ARHGAP44: variants seen among roughly 807,000 people sequenced by gnomAD.
ARHGAP44 encodes rho GTPase-activating protein 44.
A neutral mutation model predicts 106.8 loss-of-function variants in ARHGAP44; 43 were observed. That is an observed-to-expected ratio of 0.40 (90% CI 0.32 to 0.52). The LOEUF is 0.52. Among genes scored for constraint, ARHGAP44 ranks in the 20% least tolerant of loss-of-function variants. The probability of loss-of-function intolerance (pLI) is 0.48; values close to 1 mark genes in which losing one functional copy is unlikely to be tolerated. For missense variants in ARHGAP44, 866 were observed against 1,050.5 expected (o/e 0.82, Z 2.43); for synonymous variants, 439 against 410.3 (o/e 1.07, Z -0.85).
At chr17:12,841,157 A>G (rs1057284721) in intron 1 of ARHGAP44, among the ~76,000 whole-genome samples, 3 of 152,186 alleles carry the variant, frequency 2.0e-5, no homozygotes, top group South Asian at 2.1e-4. Flanking sequence ...TCCAGTTTGC[A>G]CAGAGGCACA....
At chr17:12,883,186 A>T (rs930336272) in intron 1 of ARHGAP44, among the ~76,000 whole-genome samples, 19 of 134,646 alleles carry the variant, frequency 1.4e-4, no homozygotes, top group Non-Finnish European at 2.4e-4. Context: ...TTTTTTTTTT[A>T]AAAACTTGCT....
chr17:12,871,507 T>G (rs8068823), intron 1 of ARHGAP44, among the ~76,000 whole-genome samples: 3 of 152,070 alleles, frequency 2.0e-5, no homozygotes, highest in Admixed American at 1.3e-4. Flanking sequence ...TCATGTCTTA[T>G]GTAGCCAGAG....
intron 12 of ARHGAP44, among the ~76,000 whole-genome samples, chr17:12,951,647 A>G (rs928662137): frequency 1.6e-4 from 25 of 152,192 alleles, no homozygotes; most frequent in Admixed American, 1.6e-3. Flanking sequence ...CAGATGACTC[A>G]AAGAGGTCAG....
At chr17:12,889,990 G>A (rs9914678) in intron 1 of ARHGAP44, among the ~76,000 whole-genome samples, 1 of 152,190 alleles carries the variant, frequency 6.6e-6, no homozygotes, top group Admixed American at 6.5e-5. Flanking sequence ...TACTGGGGTG[G>A]AGGTTTTGAC....
intron 7 of ARHGAP44, among the ~76,000 whole-genome samples, chr17:12,930,864 A>G (rs948091285): frequency 1.3e-5 from 2 of 152,206 alleles, no homozygotes; most frequent in Admixed American, 6.5e-5. Flanking sequence ...CTGTTTCCAA[A>G]CAGGGTAGAA....
chr17:12,990,231 A>C lies in ARHGAP44; in HGVS notation c.*60A>C. The C allele has an allele frequency of 6.4e-7, 1 of 1,562,530 alleles. No individual in the cohort carries two copies. The highest frequency in any genetic ancestry group is 8.7e-7 in the Non-Finnish European group (1 of 1,145,542). ...CATCACGGGCCCTAGGAACGCCGCC[A>C]GGAGCAGCGTCCATGAGCTTGCCAA... On this transcript the variant is annotated 3_prime_UTR_variant, in exon 21 of 21. Transcript: ENST00000379672.
intron 14 of ARHGAP44, among the ~76,000 whole-genome samples, chr17:12,956,321 G>T (rs2039125747): frequency 6.6e-6 from 1 of 152,126 alleles, no homozygotes; most frequent in African/African-American, 2.4e-5. Context: ...CCAGCCTCAG[G>T]ATTCGGAGGG....
intron 1 of ARHGAP44, among the ~76,000 whole-genome samples, chr17:12,861,658 T>TTTTTTTTTTTTTTTTTTA: frequency 9.8e-5 from 1 of 10,202 alleles, no homozygotes; most frequent in Non-Finnish European, 2.5e-4. Context: ...TTTTTTTTTT[T>TTTTTTTTTTTTTTTTTTA]GAGATGGAAT....
In ARHGAP44 at chr17:12,958,158, G is replaced by GAT. The variant is rs2039174132; in HGVS notation, c.1343-558_1343-557dup. On this transcript the variant is annotated intron_variant, in intron 15 of 20. Coordinates refer to ENST00000379672, the MANE Select transcript of ARHGAP44 (RefSeq NM_014859.6). The surrounding 1 kb of genome is among the most constrained non-coding windows in gnomAD (Gnocchi z 4.1). ...ATTCTCATTGACTGGGAAAGGATGG[G>GAT]ATGAGTACTTCTGTATATCTCTTTG... Among the ~76,000 whole-genome samples, 1 of 152,200 alleles carries GAT rather than the reference G, an allele frequency of 6.6e-6. No homozygotes were observed. The highest frequency in any genetic ancestry group is 2.4e-5 in the African/African-American group (1 of 41,440).
At chr17:12,821,229 G>A (rs1025746243) in intron 1 of ARHGAP44, among the ~76,000 whole-genome samples, 1 of 152,140 alleles carries the variant, frequency 6.6e-6, no homozygotes, top group Non-Finnish European at 1.5e-5. Context: ...AAACAAAAAC[G>A]TGGGCATGGG....
intron 1 of ARHGAP44, among the ~76,000 whole-genome samples, chr17:12,792,445 G>A (rs1253067484): frequency 1.3e-5 from 2 of 152,134 alleles, no homozygotes; most frequent in African/African-American, 4.8e-5. Context: ...GTTGATTGCC[G>A]AGATTAAAAC....
At chr17:12,901,489 G>A (rs572124525) in intron 3 of ARHGAP44, among the ~76,000 whole-genome samples, 4 of 152,172 alleles carry the variant, frequency 2.6e-5, no homozygotes, top group African/African-American at 9.6e-5. Flanking sequence ...CACAGAGATG[G>A]GAACAATTTC....
At chr17:12,947,387 G>T (rs1340113975) in intron 10 of ARHGAP44, among the ~76,000 whole-genome samples, 2 of 152,040 alleles carry the variant, frequency 1.3e-5, no homozygotes, top group African/African-American at 4.8e-5. Flanking sequence ...GGGCATCAGG[G>T]TTCTCTGTTT....
At chr17:12,981,274 G>A (rs1476346292) in intron 19 of ARHGAP44, among the ~76,000 whole-genome samples, 1 of 152,172 alleles carries the variant, frequency 6.6e-6, no homozygotes, top group African/African-American at 2.4e-5. Flanking sequence ...TGGCCCAGCG[G>A]AAACGACATC....
At chr17:12,973,280 C>T (rs769965619) in intron 16 of ARHGAP44, 22 bp from the exon 17 acceptor site, 3 of 1,603,690 alleles carry the variant, frequency 1.9e-6, no homozygotes, top group Middle Eastern at 1.7e-4. Flanking sequence ...AAACTAATAT[C>T]TGTATGTTTC....
intron 20 of ARHGAP44, among the ~76,000 whole-genome samples, 193 bp from the exon 21 acceptor site, chr17:12,989,839 T>C (rs962925136): frequency 6.6e-6 from 1 of 152,128 alleles, no homozygotes; most frequent in African/African-American, 2.4e-5. Context: ...TACGAACTTA[T>C]GGGGTAGAAG....
chr17:12,959,178 T>TA lies in ARHGAP44; in HGVS notation c.1523+289dup, dbSNP rs145695036. On this transcript the variant is annotated intron_variant, in intron 16 of 20. Transcript: ENST00000379672. Reference sequence around the variant, plus strand: ...AGAAAAAGTAGTCACTGAGTGCAATTAAAAAAAATACATACGCACTTTATT... The same window carrying TA: ...AGAAAAAGTAGTCACTGAGTGCAATTAAAAAAAAATACATACGCACTTTATT... 3,764 of 400,268 alleles carry TA rather than the reference T, an allele frequency of 9.4e-3. 116 individuals carry two copies. Among genetic ancestry groups the TA allele is most frequent in the African/African-American group, 0.069 (3,432 of 49,564 alleles). The allele number at this position is 400,268 out of a possible 1,614,324, so 24.8% of individuals were successfully genotyped here.
chr17:12,823,612 A>G (rs1467176745), intron 1 of ARHGAP44, among the ~76,000 whole-genome samples: 1 of 152,264 alleles, frequency 6.6e-6, no homozygotes, highest in Non-Finnish European at 1.5e-5. Flanking sequence ...TTGCTGTGTT[A>G]TATTATCAAG....
chr17:12,979,227 G>A (rs2039771247), intron 18 of ARHGAP44, among the ~76,000 whole-genome samples: 1 of 152,182 alleles, frequency 6.6e-6, no homozygotes, highest in Admixed American at 6.5e-5. Context: ...TCTACCATCA[G>A]CGTATCAGGA....
Sources: gnomAD v4.1 joint callset for allele counts (sites outside exome capture counted in the v4.1 genomes callset) on GRCh38, gnomAD v4.1.1 for gene constraint, Gnocchi (gnomAD v3.1) non-coding constraint, MANE v1.5 for transcripts, NCBI Gene and HGNC (gene_info 2026-07-23, HGNC 2026-07-21) for gene names.